The following COL23A1 variants were observed in gnomAD, a reference collection of about 807,000 sequenced individuals.
The protein encoded by COL23A1 is collagen type XXIII alpha 1 chain.
In COL23A1, 97 loss-of-function variants were observed where a neutral mutation model predicts 99.3. The ratio of observed to expected loss-of-function variants is 0.98; its 90% CI spans 0.83 to 1.16. COL23A1 has a LOEUF of 1.16. Ranked by LOEUF, COL23A1 falls within the 50% of genes most tolerant of loss-of-function variation. The pLI, the probability that COL23A1 is intolerant of heterozygous loss-of-function variation, is 0.00. For missense variants in COL23A1, 762 were observed against 757.4 expected, an observed-to-expected ratio of 1.01 and a Z score of -0.07; for synonymous variants, 320 against 308.2, an observed-to-expected ratio of 1.04 and a Z score of -0.40.
intron 18 of COL23A1, 70 bp downstream of exon 18, chr5:178,249,990 CA>C: frequency 6.8e-7 from 1 of 1,473,068 alleles, no homozygotes; most frequent in Non-Finnish European, 9.4e-7. Context: ...CACACGCACA[CA>C]CACACACACA....
intron 5 of COL23A1, among the ~76,000 whole-genome samples, chr5:178,277,567 G>A (rs1371469197): frequency 6.6e-6 from 1 of 152,256 alleles, no homozygotes; most frequent in African/African-American, 2.4e-5. Flanking sequence ...CAGCTCTGCA[G>A]GGCATCTGAT....
chr5:178,247,401 G>A (rs999182579), intron 22 of COL23A1, 125 bp downstream of exon 22: 8 of 1,088,402 alleles, frequency 7.4e-6, no homozygotes, highest in South Asian at 4.2e-5. Flanking sequence ...ACGTTCAGGC[G>A]CTGGGAAGAC....
In COL23A1 at chr5:178,428,995, C is replaced by G. The variant is rs1487599516; in HGVS notation, c.362-122076G>C. Among the ~76,000 whole-genome samples, 1 of 152,172 alleles carries G rather than the reference C, an allele frequency of 6.6e-6. No homozygotes were observed. The highest frequency in any genetic ancestry group is 1.5e-5 in the Non-Finnish European group (1 of 68,022). ...ACCCCAGTGCTGCCCAGGCCCAGCA[C>G]CCGGGGTGCGGGTGTACCTTCTTTT... On this transcript the variant is annotated intron_variant, in intron 2 of 28. Coordinates refer to ENST00000390654, the MANE Select transcript of COL23A1 (RefSeq NM_173465.4). This position sits in a 1 kb window ranked among gnomAD's most constrained non-coding sequence, Gnocchi z 5.0.
chr5:178,582,206 C>CA (rs11315118), intron 1 of COL23A1, among the ~76,000 whole-genome samples: 3,926 of 31,272 alleles, frequency 0.13, 560 homozygotes, highest in African/African-American at 0.21. Context: ...GACTCTATCT[C>CA]AAAAAAAAAA....
At chr5:178,549,028 C>T (rs183747223) in intron 2 of COL23A1, among the ~76,000 whole-genome samples, 3 of 151,468 alleles carry the variant, frequency 2.0e-5, no homozygotes, top group Non-Finnish European at 4.4e-5. Context: ...TGGAGTCTCG[C>T]TCTGTTGCCC....
intron 2 of COL23A1, among the ~76,000 whole-genome samples, chr5:178,397,491 A>G (rs1473864215): frequency 1.3e-5 from 2 of 152,186 alleles, no homozygotes; most frequent in African/African-American, 4.8e-5. Context: ...ACTCACAACT[A>G]TACTGCCCCT....
chr5:178,518,551 CCGGG>C, intron 2 of COL23A1, among the ~76,000 whole-genome samples: 1 of 148,764 alleles, frequency 6.7e-6, no homozygotes, highest in Non-Finnish European at 1.5e-5. Context: ...GACGGGGCGG[CCGGG>C]CAGAGACGCT....
intron 28 of COL23A1, 103 bp from the exon 29 acceptor site, chr5:178,238,803 A>G (rs576838321): frequency 2.0e-5 from 30 of 1,464,972 alleles, no homozygotes; most frequent in Non-Finnish European, 2.7e-5. Context: ...ATTTCCTCCT[A>G]TCTTCCCTCC....
At chr5:178,457,462 AT>A (rs1365751678) in intron 2 of COL23A1, among the ~76,000 whole-genome samples, 1 of 152,094 alleles carries the variant, frequency 6.6e-6, no homozygotes, top group Non-Finnish European at 1.5e-5. Context: ...TGATCCGCCC[AT>A]CTCGGCCTCC....
At chr5:178,352,384 G>T (rs1761380651) in intron 2 of COL23A1, 1 of 152,206 alleles carries the variant, frequency 6.6e-6, no homozygotes, top group African/African-American at 2.4e-5. Context: ...AAAGAGTTCA[G>T]CCAATGAAGT....
chr5:178,467,705 A>G (rs1161402074), intron 2 of COL23A1, among the ~76,000 whole-genome samples: 1 of 152,180 alleles, frequency 6.6e-6, no homozygotes, highest in East Asian at 1.9e-4. Flanking sequence ...TTCTCCTAGT[A>G]CTGATTTAAT....
intron 5 of COL23A1, among the ~76,000 whole-genome samples, chr5:178,276,960 T>G (rs1307680034): frequency 6.6e-6 from 1 of 152,228 alleles, no homozygotes; most frequent in Non-Finnish European, 1.5e-5. Flanking sequence ...GCCCCTCATG[T>G]GCTCCTTGGC....
chr5:178,375,221 C>T (rs1307943674), intron 2 of COL23A1, among the ~76,000 whole-genome samples: 2 of 151,788 alleles, frequency 1.3e-5, no homozygotes, highest in Non-Finnish European at 2.9e-5. Context: ...TGAACAAATC[C>T]ACAGGGACAG....
intron 2 of COL23A1, among the ~76,000 whole-genome samples, chr5:178,496,600 T>C (rs911683592): frequency 6.6e-6 from 1 of 152,228 alleles, no homozygotes; most frequent in African/African-American, 2.4e-5. Flanking sequence ...CCTCTTCCCA[T>C]AAAAGAGCTA....
chr5:178,249,180 T>G lies in COL23A1; in HGVS notation c.1086A>C (p.Pro362=). ...TGAGTCCTGCTGGCCCAGGCTCTCC[T>G]GGGTCTCCTTTCTGTCCTTTGGGGC... ...EKGPKGQKGD[P]GEPGPAGLKG... The change falls in exon 19 of 29, where the codon CCA becomes CCC. Residue 362 remains proline, a synonymous_variant. Coordinates refer to ENST00000390654, the MANE Select transcript of COL23A1 (RefSeq NM_173465.4). 1 of 1,614,220 alleles carries G rather than the reference T, an allele frequency of 6.2e-7. No individual in the cohort carries two copies. The highest frequency in any genetic ancestry group is 8.5e-7 in the Non-Finnish European group (1 of 1,180,026).
intron 12 of COL23A1, among the ~76,000 whole-genome samples, chr5:178,258,691 G>A (rs546374185): frequency 1.3e-5 from 2 of 151,882 alleles, no homozygotes; most frequent in Middle Eastern, 3.4e-3. Flanking sequence ...CACCGCTCTG[G>A]GTCTGGTTTT....
intron 2 of COL23A1, among the ~76,000 whole-genome samples, chr5:178,432,535 C>T (rs930903530): frequency 1.3e-5 from 2 of 152,174 alleles, no homozygotes; most frequent in African/African-American, 4.8e-5. Flanking sequence ...AGCTACAGGG[C>T]TCAGGGTCTG....
At chr5:178,408,952 T>C (rs1266249603) in intron 2 of COL23A1, among the ~76,000 whole-genome samples, 5 of 78,572 alleles carry the variant, frequency 6.4e-5, no homozygotes, top group South Asian at 4.2e-4. Context: ...CGAAACTCTG[T>C]CTCAAAAAAA....
intron 2 of COL23A1, among the ~76,000 whole-genome samples, chr5:178,413,103 A>C (rs1369193297): frequency 2.0e-5 from 3 of 152,076 alleles, no homozygotes; most frequent in African/African-American, 7.2e-5. Flanking sequence ...GGATCACTTT[A>C]GCCCAAAAGT....
Sources: allele counts gnomAD v4.1 joint callset (sites outside exome capture counted in the v4.1 genomes callset), GRCh38; gene constraint gnomAD v4.1.1; non-coding constraint Gnocchi (gnomAD v3.1); transcripts MANE v1.5; gene names NCBI Gene and HGNC (gene_info 2026-07-23, HGNC 2026-07-21).